Variants in TECTB observed in about 807,000 individuals in gnomAD.
TECTB encodes the protein tectorin beta.
TECTB carries 45 observed loss-of-function variants against 43.3 expected under a neutral mutation model. That is an observed-to-expected ratio of 1.04 (90% confidence interval 0.82 to 1.33). The LOEUF is 1.33. TECTB is among the 40% of genes most tolerant of loss of function. The pLI is 0.00. For missense variants in TECTB, 399 were observed against 404.7 expected, an observed-to-expected ratio of 0.99 and a Z score of 0.12; for synonymous variants, 169 against 156.7, an observed-to-expected ratio of 1.08 and a Z score of -0.59.
intron 10 of TECTB, chr10:112,302,401 C>T (rs1848619947): frequency 4.6e-6 from 2 of 431,660 alleles, no homozygotes; most frequent in South Asian, 1.6e-4. Flanking sequence ...AAGCCATCCC[C>T]AGATGGCTTC....
intron 5 of TECTB, among the ~76,000 whole-genome samples, chr10:112,292,339 T>C (rs1318526315): frequency 2.0e-5 from 3 of 152,168 alleles, no homozygotes; most frequent in Non-Finnish European, 4.4e-5. Flanking sequence ...GCCAGGCCAG[T>C]GATCAGAACC....
intron 5 of TECTB, among the ~76,000 whole-genome samples, chr10:112,288,751 G>T (rs1848474781): frequency 6.6e-6 from 1 of 152,194 alleles, no homozygotes; most frequent in Non-Finnish European, 1.5e-5. Flanking sequence ...GATCCTGAGA[G>T]CTTCAAATGC....
intron 9 of TECTB, among the ~76,000 whole-genome samples, chr10:112,300,097 G>A (rs1419545076): frequency 4.6e-5 from 7 of 150,872 alleles, no homozygotes; most frequent in Non-Finnish European, 8.9e-5. Flanking sequence ...GGGAGGCAGA[G>A]GTTGCAGTGA....
rs1333428765 is a variant in TECTB at position 112,303,378 on chromosome 10, T to C, written c.*66T>C. ...CCTCAGCGAATGACAAACACATTTA[T>C]TGTGCTGCCAAAAAGAACAAACAGA... On this transcript the variant is annotated 3_prime_UTR_variant, in exon 11 of 11. Transcript: ENST00000646139. The C allele has an allele frequency of 2.5e-6, 4 of 1,594,368 alleles. No individual in the cohort carries two copies. The highest frequency in any genetic ancestry group is 3.3e-4 in the Middle Eastern group (2 of 6,050).
intron 8 of TECTB, among the ~76,000 whole-genome samples, chr10:112,298,994 T>C (rs982239159): frequency 6.6e-6 from 1 of 152,134 alleles, no homozygotes; most frequent in Admixed American, 6.5e-5. Context: ...AAATGGTTCT[T>C]TATGAGCACA....
chr10:112,303,285 G>A lies in TECTB; in HGVS notation c.963G>A (p.Met321Ile). The A allele has an allele frequency of 6.2e-7, 1 of 1,614,134 alleles. No homozygotes were observed. Among genetic ancestry groups the A allele is most frequent in the Non-Finnish European group, 8.5e-7 (1 of 1,180,018 alleles). The change falls in exon 11 of 11, where the codon ATG becomes ATA. Residue 321 changes from methionine to isoleucine, a missense_variant. Met to Ile is a conservative substitution (Grantham distance 10, BLOSUM62 1). Coordinates refer to ENST00000646139, the MANE Select transcript of TECTB (RefSeq NM_058222.3). ...CAGATGTTCTCCACCACCTCATCAT[G>A]ATGTTGGGGATTTGTGCCGTGTTAT... ...SFSDVLHHLI[M>I]MLGICAVL is the part of the protein sequence containing the mutation.
At chr10:112,288,588 G>A (rs1848473787) in intron 5 of TECTB, among the ~76,000 whole-genome samples, 1 of 152,064 alleles carries the variant, frequency 6.6e-6, no homozygotes, top group African/African-American at 2.4e-5. Flanking sequence ...CCATGTGGTT[G>A]GTATTTTTTT....
intron 3 of TECTB, among the ~76,000 whole-genome samples, chr10:112,285,171 C>A (rs1040862704): frequency 6.6e-6 from 1 of 152,164 alleles, no homozygotes; most frequent in African/African-American, 2.4e-5. Context: ...GTGAAGTGCC[C>A]AGGATGGGAT....
At chr10:112,301,684 T>G (rs773291080) in intron 9 of TECTB, among the ~76,000 whole-genome samples, 2 of 152,176 alleles carry the variant, frequency 1.3e-5, no homozygotes, top group African/African-American at 2.4e-5. Context: ...TGAAAGGCAA[T>G]GGAGCACCTG....
At chr10:112,285,334 C>T (rs1848444982) in intron 3 of TECTB, among the ~76,000 whole-genome samples, 1 of 152,156 alleles carries the variant, frequency 6.6e-6, no homozygotes, top group African/African-American at 2.4e-5. Flanking sequence ...CCAACCTCCC[C>T]ACCAAGATCT....
chr10:112,294,127 T>G, intron 7 of TECTB, 66 bp downstream of exon 7: 1 of 1,490,284 alleles, frequency 6.7e-7, no homozygotes, highest in Non-Finnish European at 9.3e-7. Flanking sequence ...TACTTTGCTC[T>G]GGCTTGGGAA....
Position 112,304,512 on chromosome 10 carries a change from G to A in TECTB, c.*1200G>A, listed in dbSNP as rs1848636838. 1.3e-5 allele frequency: 2 copies of A among 152,184 alleles called. No individual in the cohort carries two copies. Among genetic ancestry groups the A allele is most frequent in the Admixed American group, 1.3e-4 (2 of 15,280 alleles). The allele number at this position is 152,184 out of a possible 1,614,324, so 9.4% of individuals were successfully genotyped here. A position where few individuals can be genotyped will look rare whatever the true frequency, so the allele number is the denominator to read the frequency against. Reference sequence around the variant, plus strand: ...AACCAATTCTGGTAGAGAATTGGCTGGATTGTGATAGGAAAAGGCAGAGTT... The same window carrying A: ...AACCAATTCTGGTAGAGAATTGGCTAGATTGTGATAGGAAAAGGCAGAGTT... On this transcript the variant is annotated 3_prime_UTR_variant, in exon 11 of 11. Transcript: ENST00000646139.
intron 3 of TECTB, 80 bp from the exon 4 acceptor site, chr10:112,285,991 T>C: frequency 1.9e-6 from 3 of 1,571,690 alleles, no homozygotes; most frequent in African/African-American, 1.3e-5. Context: ...TTTTGAGCCA[T>C]CTTCTTGCAC....
chr10:112,296,379 C>G (rs1848547050), intron 7 of TECTB, among the ~76,000 whole-genome samples: 1 of 152,168 alleles, frequency 6.6e-6, no homozygotes, highest in Non-Finnish European at 1.5e-5. Flanking sequence ...GGTGCTGCAG[C>G]TGGTGCCAAG....
At chr10:112,291,483 A>C (rs1319220627) in intron 5 of TECTB, among the ~76,000 whole-genome samples, 3 of 152,244 alleles carry the variant, frequency 2.0e-5, no homozygotes, top group Admixed American at 6.5e-5. Flanking sequence ...AAAGCCATGG[A>C]ATCAACCCAA....
intron 10 of TECTB, 70 bp from the exon 11 acceptor site, chr10:112,303,193 T>A: frequency 6.3e-7 from 1 of 1,579,088 alleles, no homozygotes. Context: ...GAGTTAACTC[T>A]TCTGTTGAGT....
chr10:112,286,258 A>G (rs377474076), intron 4 of TECTB, 45 bp downstream of exon 4: 1 of 1,613,666 alleles, frequency 6.2e-7, no homozygotes, highest in Non-Finnish European at 8.5e-7. Flanking sequence ...TCATGTGTGT[A>G]CTGCAGGTCC....
At chr10:112,298,837 G>C (rs11195880) in intron 8 of TECTB, among the ~76,000 whole-genome samples, 1 of 152,226 alleles carries the variant, frequency 6.6e-6, no homozygotes. Flanking sequence ...TAGACACTTA[G>C]ACATGCCAAA....
intron 2 of TECTB, 114 bp downstream of exon 2, chr10:112,283,924 G>A: frequency 8.7e-7 from 1 of 1,151,932 alleles, no homozygotes; most frequent in Non-Finnish European, 1.2e-6. Context: ...ATGTAGCCAA[G>A]CAGGAAAGTA....
Sources: gnomAD v4.1 joint callset for allele counts (sites outside exome capture counted in the v4.1 genomes callset) on GRCh38, gnomAD v4.1.1 for gene constraint, MANE v1.5 for transcripts, NCBI Gene and HGNC (gene_info 2026-07-23, HGNC 2026-07-21) for gene names.